Variants in SLC26A5 observed in about 807,000 individuals in gnomAD.
SLC26A5 encodes prestin.
A neutral mutation model predicts 81.0 loss-of-function variants in SLC26A5; 51 were observed. That is an observed-to-expected ratio of 0.63 (90% CI 0.50 to 0.80). The LOEUF (loss-of-function observed/expected upper bound fraction) is 0.80. Ranked by LOEUF, SLC26A5 falls within the 30% of genes least tolerant of loss-of-function variation. SLC26A5 has a pLI of 0.00. For missense variants in SLC26A5, 771 were observed against 905.8 expected (o/e 0.85, Z 1.91); for synonymous variants, 325 against 332.8 (o/e 0.98, Z 0.25).
intron 19 of SLC26A5, 118 bp downstream of exon 19, chr7:103,376,690 G>T: frequency 1.3e-6 from 1 of 796,778 alleles, no homozygotes; most frequent in Non-Finnish European, 2.0e-6. Flanking sequence ...TTTTTCAGAA[G>T]AACAATTTTC....
chr7:103,412,949 A>G, intron 5 of SLC26A5, 53 bp downstream of exon 5: 3 of 1,296,420 alleles, frequency 2.3e-6, no homozygotes, highest in Non-Finnish European at 3.4e-6. Context: ...GGCACATTGC[A>G]AGGTTGGAAA....
chr7:103,392,761 T>C (rs1015138699), intron 10 of SLC26A5, among the ~76,000 whole-genome samples, 158 bp downstream of exon 10: 1 of 152,132 alleles, frequency 6.6e-6, no homozygotes, highest in Non-Finnish European at 1.5e-5. Context: ...GTATTTTCAG[T>C]AGAGATGGGG....
intron 10 of SLC26A5, among the ~76,000 whole-genome samples, 192 bp downstream of exon 10, chr7:103,392,727 G>A (rs889094117): frequency 1.3e-5 from 2 of 152,154 alleles, no homozygotes; most frequent in Non-Finnish European, 2.9e-5. Context: ...ACAGGGGCCT[G>A]CCACCATGCC....
Position 103,410,305 on chromosome 7 carries a change from A to C in SLC26A5, c.735+80T>G. 2.4e-6 allele frequency: 3 copies of C among 1,238,812 alleles called. No individual in the cohort carries two copies. The East Asian group carries it at 7.0e-5, about 29-fold the overall frequency. The allele number at this position is 1,238,812 out of a possible 1,614,324, so 76.7% of individuals were successfully genotyped here. A position where few individuals can be genotyped will look rare whatever the true frequency, so the allele number is the denominator to read the frequency against. Reference sequence around the variant, plus strand: ...TGGAGAAAAAGAAAAATGAGTCTTGAAAGTAAAAAGAGATACAGAAGAGAA... The same window carrying C: ...TGGAGAAAAAGAAAAATGAGTCTTGCAAGTAAAAAGAGATACAGAAGAGAA... On this transcript the variant is annotated intron_variant, in intron 7 of 19. Transcript: ENST00000306312.
chr7:103,379,479 A>C, intron 15 of SLC26A5, 144 bp from the exon 16 acceptor site: 1 of 505,856 alleles, frequency 2.0e-6, no homozygotes. Flanking sequence ...TGTCACACAC[A>C]GACCAAAAAA....
chr7:103,375,497 T>C (rs1821288718), intron 19 of SLC26A5, among the ~76,000 whole-genome samples: 1 of 152,216 alleles, frequency 6.6e-6, no homozygotes, highest in Non-Finnish European at 1.5e-5. Context: ...ATCATATGCC[T>C]ATGGAGCATG....
intron 10 of SLC26A5, among the ~76,000 whole-genome samples, 161 bp from the exon 11 acceptor site, chr7:103,391,896 G>C (rs907006415): frequency 2.0e-5 from 3 of 152,170 alleles, no homozygotes; most frequent in Non-Finnish European, 4.4e-5. Context: ...TAGGAATTAT[G>C]GCATATTTTA....
intron 19 of SLC26A5, chr7:103,353,872 T>G (rs1332781716): frequency 2.0e-6 from 3 of 1,519,822 alleles, no homozygotes; most frequent in African/African-American, 1.4e-5. Context: ...TTTAAAAATT[T>G]TAATTCTAGT....
intron 2 of SLC26A5, among the ~76,000 whole-genome samples, chr7:103,421,891 C>T (rs1321626280): frequency 2.0e-5 from 3 of 152,112 alleles, no homozygotes; most frequent in Non-Finnish European, 4.4e-5. Flanking sequence ...CAATTTTGAC[C>T]AGCTATATGT....
chr7:103,419,930 T>C (rs1023948754), intron 4 of SLC26A5, among the ~76,000 whole-genome samples: 1 of 152,166 alleles, frequency 6.6e-6, no homozygotes, highest in Admixed American at 6.6e-5. Context: ...TTTTTTCTGC[T>C]TAGCAATCTC....
intron 19 of SLC26A5, among the ~76,000 whole-genome samples, chr7:103,364,891 CA>C (rs1452352727): frequency 6.7e-6 from 1 of 149,120 alleles, no homozygotes; most frequent in East Asian, 2.0e-4. Flanking sequence ...ACTTTTACTT[CA>C]GGGGCAGTGT....
intron 3 of SLC26A5, 46 bp from the exon 4 acceptor site, chr7:103,420,923 A>G (rs755433718): frequency 6.4e-7 from 1 of 1,565,492 alleles, no homozygotes; most frequent in Non-Finnish European, 8.8e-7. Context: ...AATGAGAAAC[A>G]TCTCTGTAGA....
chr7:103,414,532 C>T (rs776070241), intron 4 of SLC26A5, among the ~76,000 whole-genome samples: 15 of 152,148 alleles, frequency 9.9e-5, no homozygotes, highest in African/African-American at 3.6e-4. Context: ...TTAAGCTACA[C>T]CAGGCTGACT....
In SLC26A5 at chr7:103,411,596, T is replaced by C. The variant is rs757818537; in HGVS notation, c.404-10A>G. The stretch of plus-strand genomic sequence containing the variant: ...ATAACAGCAAAAGGACCTGAAATAA[T>C]GAAGCATGAAGATCCCTGTTCAGGG... On this transcript the variant is annotated splice_polypyrimidine_tract_variant and intron_variant, in intron 5 of 19. Coordinates refer to ENST00000306312, the MANE Select transcript of SLC26A5 (RefSeq NM_198999.3). 3 of 1,614,044 alleles carry C rather than the reference T, an allele frequency of 1.9e-6. No homozygotes were observed. Among genetic ancestry groups the C allele is most frequent in the African/African-American group, 2.7e-5 (2 of 75,006 alleles).
intron 9 of SLC26A5, among the ~76,000 whole-genome samples, chr7:103,394,815 G>A (rs978811526): frequency 3.3e-5 from 5 of 152,220 alleles, no homozygotes; most frequent in Non-Finnish European, 5.9e-5. Context: ...CTGGCCTCGT[G>A]ATGTGCTTCG....
intron 2 of SLC26A5, among the ~76,000 whole-genome samples, chr7:103,426,550 G>A (rs1229880946): frequency 1.3e-5 from 2 of 152,168 alleles, no homozygotes; most frequent in Non-Finnish European, 2.9e-5. Flanking sequence ...AAGAGACACA[G>A]AGAGGAGACG....
At chr7:103,405,237 T>C (rs1338111675) in intron 8 of SLC26A5, among the ~76,000 whole-genome samples, 1 of 152,104 alleles carries the variant, frequency 6.6e-6, no homozygotes, top group Non-Finnish European at 1.5e-5. Context: ...TGGTGAAGAG[T>C]TGTGATCCTT....
At chr7:103,403,628 C>T (rs747346826) in intron 8 of SLC26A5, among the ~76,000 whole-genome samples, 1 of 151,512 alleles carries the variant, frequency 6.6e-6, no homozygotes, top group Non-Finnish European at 1.5e-5. Flanking sequence ...TATGTAATGC[C>T]CTTGTCTTTT....
intron 9 of SLC26A5, among the ~76,000 whole-genome samples, chr7:103,394,910 A>G (rs1822964224): frequency 6.6e-6 from 1 of 152,148 alleles, no homozygotes; most frequent in African/African-American, 2.4e-5. Flanking sequence ...TGTTGCTCTG[A>G]GCCACCATGT....
Sources: gnomAD v4.1 joint callset for allele counts (sites outside exome capture counted in the v4.1 genomes callset) on GRCh38, gnomAD v4.1.1 for gene constraint, MANE v1.5 for transcripts, NCBI Gene and HGNC (gene_info 2026-07-23, HGNC 2026-07-21) for gene names.